The following CRB2 variants were observed in gnomAD, a reference collection of about 807,000 sequenced individuals.
The protein encoded by CRB2 is crumbs cell polarity complex component 2.
CRB2 carries 85 observed loss-of-function variants against 110.9 expected under a neutral mutation model. That is an observed-to-expected ratio of 0.77 (90% CI 0.64 to 0.92). CRB2 has a LOEUF of 0.92. Among genes scored for constraint, CRB2 ranks in the 40% least tolerant of loss-of-function variants. The pLI, the probability that CRB2 is intolerant of heterozygous loss-of-function variation, is 0.00. For synonymous variants in CRB2, 907 were observed against 831.0 expected (o/e 1.09, Z -1.57); for missense variants, 1,843 against 1,851.3 (o/e 1.00, Z 0.08).
At chr9:123,372,908 C>T (rs1186174081) in intron 9 of CRB2, among the ~76,000 whole-genome samples, 1 of 152,222 alleles carries the variant, frequency 6.6e-6, no homozygotes, top group Admixed American at 6.5e-5. Flanking sequence ...CATCACGCCC[C>T]ACCCCCCAGC....
intron 1 of CRB2, among the ~76,000 whole-genome samples, chr9:123,358,361 C>T (rs1352914111): frequency 6.6e-6 from 1 of 152,202 alleles, no homozygotes; most frequent in Non-Finnish European, 1.5e-5. Context: ...TATCCACCCT[C>T]CCTTCCCCAA....
At position 123,362,870 on chromosome 9, in the gene CRB2, G is replaced by T. The variant is rs752764126; in HGVS notation, c.100G>T (p.Val34Leu). 6.3e-7 allele frequency: 1 copy of T among 1,578,402 alleles called. No homozygotes were observed. The highest frequency in any genetic ancestry group is 8.7e-7 in the Non-Finnish European group (1 of 1,154,370). ...CCAGTTTCTTCTTTCTACAGGGACG[G>T]TGCCTTCAGAGCCCCCCAGTGCCTG... ...APALSLLAGT[V>L]PSEPPSACAS... Residue 34 changes from valine (V) to leucine (L), a missense_variant, in exon 2 of 13, where the codon GTG becomes TTG. By Grantham distance (32) the Val-to-Leu change is conservative (BLOSUM62 1). Transcript: ENST00000373631.
intron 12 of CRB2, 151 bp from the exon 13 acceptor site, chr9:123,376,687 C>G (rs1461191975): frequency 1.4e-6 from 1 of 715,630 alleles, no homozygotes; most frequent in African/African-American, 1.8e-5. Flanking sequence ...CTGCATACCC[C>G]TGGGGCTGGG....
chr9:123,373,038 G>T, intron 9 of CRB2, 96 bp from the exon 10 acceptor site: 1 of 1,108,726 alleles, frequency 9.0e-7, no homozygotes, highest in South Asian at 1.7e-5. Context: ...CCCACCCCAA[G>T]TAAGTGGCTG....
At position 123,367,155 on chromosome 9, in the gene CRB2, C is replaced by CGT. The variant is rs776120721; in HGVS notation, c.755-9_755-8dup. 1 of 1,566,550 alleles carries CGT rather than the reference C, an allele frequency of 6.4e-7. No individual in the cohort carries two copies. Among genetic ancestry groups the CGT allele is most frequent in the Admixed American group, 1.9e-5 (1 of 51,702 alleles). ...GCAACCCCGTGAGACCTGATGTCCG[C>CGT]GTGTGTGTGCCCCCAGGCTACAGCG... is the stretch of plus-strand genomic sequence containing the variant. On this transcript the variant is annotated splice_polypyrimidine_tract_variant and intron_variant, in intron 4 of 12. Coordinates refer to ENST00000373631, the MANE Select transcript of CRB2 (RefSeq NM_173689.7).
In CRB2 at chr9:123,370,304, T is replaced by C. The variant is rs2041995183; in HGVS notation, c.1251T>C (p.Ser417=). 1 of 1,613,538 alleles carries C rather than the reference T, an allele frequency of 6.2e-7. No individual in the cohort carries two copies. The highest frequency in any genetic ancestry group is 2.2e-5 in the East Asian group (1 of 44,876). The stretch of plus-strand genomic sequence containing the variant: ...CCACCTGCATCCCTATCTTCGAGTC[T>C]GGGGTCCACAGTTACGTCTGCCACT... ...LAATCIPIFE[S]GVHSYVCHCP... is the part of the protein sequence containing the mutation. The change falls in exon 7 of 13, where the codon TCT becomes TCC. Residue 417 remains serine, a synonymous_variant. Transcript: ENST00000373631.
At chr9:123,368,011 G>T (rs1293956941) in intron 6 of CRB2, among the ~76,000 whole-genome samples, 1 of 151,962 alleles carries the variant, frequency 6.6e-6, no homozygotes, top group African/African-American at 2.4e-5. Flanking sequence ...GAGTTAGGGG[G>T]CAGCATCTGT....
chr9:123,375,008 T>C (rs930434266), intron 11 of CRB2, among the ~76,000 whole-genome samples: 22 of 152,074 alleles, frequency 1.4e-4, no homozygotes, highest in African/African-American at 5.3e-4. Context: ...TCACACAGGC[T>C]CCCGTCACCC....
intron 7 of CRB2, 26 bp downstream of exon 7, chr9:123,371,006 C>A: frequency 6.3e-7 from 1 of 1,595,340 alleles, no homozygotes. Flanking sequence ...GGTGGGAAGG[C>A]AGCACCTGAG....
intron 6 of CRB2, among the ~76,000 whole-genome samples, chr9:123,369,305 A>G (rs553982430): frequency 6.6e-6 from 1 of 152,220 alleles, no homozygotes; most frequent in African/African-American, 2.4e-5. Context: ...CACTCTGTCC[A>G]TAAAAGCCAT....
intron 1 of CRB2, among the ~76,000 whole-genome samples, chr9:123,358,249 C>T (rs2041822208): frequency 6.6e-6 from 1 of 152,224 alleles, no homozygotes; most frequent in African/African-American, 2.4e-5. Flanking sequence ...AGGCCCTGAG[C>T]TGGGCCTCTC....
chr9:123,378,805 G>GTTTTTTTTTTTT (rs1166539194), downstream of CRB2: 4 of 100,978 alleles, frequency 4.0e-5, no homozygotes, highest in Admixed American at 1.3e-4. Context: ...CCTGTTTTTT[G>GTTTTTTTTTTTT]TTTTTTTTTT....
At chr9:123,374,055 C>T (rs1564378382) in intron 10 of CRB2, 135 bp downstream of exon 10, 4 of 1,131,402 alleles carry the variant, frequency 3.5e-6, no homozygotes, top group Non-Finnish European at 5.2e-6. Context: ...ATGAGGAGGA[C>T]AGTTTAATTT....
At chr9:123,362,729 C>A in intron 1 of CRB2, 136 bp from the exon 2 acceptor site, 1 of 797,254 alleles carries the variant, frequency 1.3e-6, no homozygotes, top group Non-Finnish European at 2.0e-6. Flanking sequence ...GCTTGCAGAC[C>A]CCTGGCCCTC....
rs373065941 is a variant in CRB2 at position 123,371,414 on chromosome 9, C to G, written c.2272C>G (p.Pro758Ala). 8 of 1,611,678 alleles carry G rather than the reference C, an allele frequency of 5.0e-6. No individual in the cohort carries two copies. Among genetic ancestry groups the G allele is most frequent in the Non-Finnish European group, 6.8e-6 (8 of 1,179,384 alleles). Residue 758 changes from proline to alanine, a missense_variant, in exon 8 of 13, where the codon CCC (proline) becomes GCC (alanine). By Grantham distance (27) the Pro-to-Ala change is conservative. Transcript: ENST00000373631. ...GGRLLAADSQPWGGPFRGCLQ... is the reference protein window; with the variant it reads ...GGRLLAADSQAWGGPFRGCLQ... ...GAGGCTCCTTGCTGCCGACAGCCAG[C>G]CCTGGGGTGGGCCCTTCCGAGGCTG...
chr9:123,356,213 C>G lies in CRB2; in HGVS notation c.-48C>G. On this transcript the variant is annotated 5_prime_UTR_variant, in exon 1 of 13. Coordinates refer to ENST00000373631, the MANE Select transcript of CRB2 (RefSeq NM_173689.7). The stretch of plus-strand genomic sequence containing the variant: ...GAGGGGGGTGCGGAGCCAGCCAGGC[C>G]GCCCTCCCGTTCTCACAGCAGCCGA... The G allele has an allele frequency of 7.5e-7, 1 of 1,324,654 alleles. No homozygotes were observed. The highest frequency in any genetic ancestry group is 1.6e-5 in the South Asian group (1 of 63,046). The allele number at this position is 1,324,654 out of a possible 1,614,324, so 82.1% of individuals were successfully genotyped here.
chr9:123,374,077 TG>T lies in CRB2; in HGVS notation c.3389+158del, dbSNP rs201354949. 17,683 of 1,035,344 alleles carry T rather than the reference TG, an allele frequency of 0.017. 196 individuals are homozygous for T. Among genetic ancestry groups the T allele is most frequent in the Non-Finnish European group, 0.021 (13,986 of 682,020 alleles). 64.1% of individuals were successfully genotyped at this position (1,035,344 alleles called of 1,614,324 possible). Reference sequence around the variant, plus strand: ...GGACAGTTTAATTTGATAAATTTCCTGATAAAATACAGATCAAAACACAACC... The same window carrying T: ...GGACAGTTTAATTTGATAAATTTCCTATAAAATACAGATCAAAACACAACC... On this transcript the variant is annotated intron_variant, in intron 10 of 12. Coordinates refer to ENST00000373631, the MANE Select transcript of CRB2 (RefSeq NM_173689.7).
At position 123,377,009 on chromosome 9, in the gene CRB2, C is replaced by T; in HGVS notation, c.3805C>T (p.Arg1269Trp). ...AAGCCAGCAGGAGGTGGCTGGGGCCCGGCTGGAGATGGACAGTGTCCTCAA... is the reference window on the plus strand; with the variant it reads ...AAGCCAGCAGGAGGTGGCTGGGGCCTGGCTGGAGATGGACAGTGTCCTCAA... ...SPSQQEVAGA[R>W]LEMDSVLKVP... Residue 1269 changes from arginine (R) to tryptophan (W), a missense_variant, in exon 13 of 13, where the codon CGG becomes TGG. Coordinates refer to ENST00000373631, the MANE Select transcript of CRB2 (RefSeq NM_173689.7). 2.5e-6 allele frequency: 4 copies of T among 1,608,630 alleles called. No individual in the cohort carries two copies. The highest frequency in any genetic ancestry group is 3.4e-6 in the Non-Finnish European group (4 of 1,178,304).
intron 10 of CRB2, 104 bp from the exon 11 acceptor site, chr9:123,374,475 G>C: frequency 2.6e-6 from 2 of 777,332 alleles, no homozygotes; most frequent in Admixed American, 2.0e-5. Context: ...AAGGCCCTGA[G>C]TTCCATACAT....
Sources: allele counts gnomAD v4.1 joint callset (sites outside exome capture counted in the v4.1 genomes callset), GRCh38; gene constraint gnomAD v4.1.1; transcripts MANE v1.5; gene names NCBI Gene and HGNC (gene_info 2026-07-23, HGNC 2026-07-21).